The following RFWD3 variants were observed in gnomAD, a reference collection of about 807,000 sequenced individuals.
RFWD3 encodes ring finger and WD repeat domain 3.
Under a neutral mutation model 87.7 loss-of-function variants are expected in RFWD3, and 65 were observed. That is an observed-to-expected ratio of 0.74 (90% CI 0.61 to 0.91). The LOEUF (loss-of-function observed/expected upper bound fraction) is 0.91. RFWD3 is among the 40% of genes least tolerant of loss of function. The pLI, the probability that RFWD3 is intolerant of heterozygous loss-of-function variation, is 0.00. For synonymous variants in RFWD3, 433 were observed against 352.8 expected (o/e 1.23, Z -2.55); for missense variants, 1,078 against 938.5 (o/e 1.15, Z -1.94).
chr16:74,659,108 G>A (rs999966885), intron 2 of RFWD3, among the ~76,000 whole-genome samples: 7 of 152,262 alleles, frequency 4.6e-5, no homozygotes, highest in African/African-American at 1.7e-4. Context: ...TGGCTCTCTA[G>A]TGGTTCTGTT....
intron 2 of RFWD3, 35 bp from the exon 3 acceptor site, chr16:74,652,157 A>G (rs1178577622): frequency 6.4e-7 from 1 of 1,573,570 alleles, no homozygotes; most frequent in African/African-American, 1.4e-5. Flanking sequence ...ATTATAGTAC[A>G]ATGAACTATC....
chr16:74,629,339 A>T (rs745382903), intron 10 of RFWD3, among the ~76,000 whole-genome samples: 40 of 152,234 alleles, frequency 2.6e-4, no homozygotes, highest in Non-Finnish European at 5.7e-4. Flanking sequence ...ATTACATACA[A>T]ATATTCTTTC....
chr16:74,644,216 G>GT, intron 6 of RFWD3, 146 bp downstream of exon 6: 1 of 770,082 alleles, frequency 1.3e-6, no homozygotes, highest in Non-Finnish European at 2.3e-6. Context: ...AAATAACAGT[G>GT]TAAGACAGAC....
chr16:74,641,989 T>C (rs1483884836), intron 6 of RFWD3, among the ~76,000 whole-genome samples: 1 of 148,700 alleles, frequency 6.7e-6, no homozygotes, highest in Non-Finnish European at 1.5e-5. Flanking sequence ...AAACTTTCTA[T>C]ATCATACTAT....
chr16:74,655,626 CTCTT>C (rs202024128), intron 2 of RFWD3, among the ~76,000 whole-genome samples: 2,770 of 145,566 alleles, frequency 0.019, 36 homozygotes, highest in Non-Finnish European at 0.029. Context: ...TGTGCTCTCT[CTCTT>C]TTTTTTTGAG....
rs1047846683 is a variant in RFWD3 at position 74,660,959 on chromosome 16, C to G, written c.491G>C (p.Gly164Ala). 6.2e-7 allele frequency: 1 copy of G among 1,613,848 alleles called. No individual in the cohort carries two copies. Among genetic ancestry groups the G allele is most frequent in the Non-Finnish European group, 8.5e-7 (1 of 1,179,836 alleles). The stretch of plus-strand genomic sequence containing the variant: ...GGCACTGTCTGTCCTCTGAGACCCT[C>G]CGGCTCTTGCCCTCCGTGAAGCAGA... ...RVSASRRARA[G>A]GSQRTDSARL... Residue 164 changes from glycine (G) to alanine (A), a missense_variant, in exon 2 of 13, where the codon GGA becomes GCA. By Grantham distance (60) the Gly-to-Ala change is moderately conservative. Coordinates refer to ENST00000361070, the MANE Select transcript of RFWD3 (RefSeq NM_018124.4).
intron 12 of RFWD3, among the ~76,000 whole-genome samples, chr16:74,624,739 T>G (rs902160126): frequency 6.6e-6 from 1 of 152,182 alleles, no homozygotes; most frequent in Non-Finnish European, 1.5e-5. Context: ...CTCACACCTG[T>G]AATTCCAACA....
chr16:74,633,819 G>A (rs905595232), intron 8 of RFWD3, among the ~76,000 whole-genome samples: 1 of 151,826 alleles, frequency 6.6e-6, no homozygotes, highest in Non-Finnish European at 1.5e-5. Flanking sequence ...GCGTAGTGGG[G>A]CGAGCCTGTA....
At chr16:74,629,192 T>C (rs963667874) in intron 10 of RFWD3, among the ~76,000 whole-genome samples, 1 of 152,226 alleles carries the variant, frequency 6.6e-6, no homozygotes, top group Admixed American at 6.5e-5. Flanking sequence ...AGAAATATCA[T>C]CCTTCCGACT....
At chr16:74,633,615 G>A (rs1959167541) in intron 8 of RFWD3, among the ~76,000 whole-genome samples, 1 of 152,092 alleles carries the variant, frequency 6.6e-6, no homozygotes, top group Admixed American at 6.6e-5. Context: ...GGGAGGGGCA[G>A]GTGAGATTAT....
chr16:74,623,797 A>T lies in RFWD3; in HGVS notation c.*131T>A. The T allele has an allele frequency of 1.0e-6, 1 of 961,896 alleles. No homozygotes were observed. The highest frequency in any genetic ancestry group is 1.6e-6 in the Non-Finnish European group (1 of 635,100). 59.6% of individuals were successfully genotyped at this position (961,896 alleles called of 1,614,324 possible). A position where few individuals can be genotyped will look rare whatever the true frequency, so the allele number is the denominator to read the frequency against. On this transcript the variant is annotated 3_prime_UTR_variant, in exon 13 of 13. Transcript: ENST00000361070. ...CAGTGACCTAGGGTCCTAGAATCAT[A>T]CTAATGCAAACAAACCATGATTCCC... is the stretch of plus-strand genomic sequence containing the variant.
At chr16:74,646,362 T>C (rs1008766790) in intron 4 of RFWD3, among the ~76,000 whole-genome samples, 3 of 152,114 alleles carry the variant, frequency 2.0e-5, no homozygotes, top group Non-Finnish European at 4.4e-5. Context: ...AGGGACAGAA[T>C]GAGACCCTGT....
intron 8 of RFWD3, among the ~76,000 whole-genome samples, chr16:74,632,949 G>A (rs748916677): frequency 1.3e-5 from 2 of 152,036 alleles, no homozygotes; most frequent in East Asian, 3.9e-4. Context: ...TTACAGGCAT[G>A]AGCCACCACA....
chr16:74,632,112 T>C (rs981745715), intron 9 of RFWD3, among the ~76,000 whole-genome samples: 39 of 150,338 alleles, frequency 2.6e-4, no homozygotes, highest in Non-Finnish European at 1.0e-4. Context: ...TAAGGTCGGC[T>C]GGGCGCAGTG....
rs143173893 is a variant in RFWD3, at chr16:74,626,484, T to C, written c.2040A>G (p.Pro680=). ...MSYRLDDTGN[P]ICSCQPVHTF... is the part of the protein sequence containing the mutation. ...TATGTACAGGCTGGCAGGAGCAGAT[T>C]GGATTTCCAGTGTCATCCAGTCGGT... Residue 680 remains proline, a synonymous_variant, in exon 12 of 13, where the codon CCA becomes CCG. Transcript: ENST00000361070. 6.2e-4 allele frequency: 1,004 copies of C among 1,614,180 alleles called. 3 individuals are homozygous for C. The highest frequency in any genetic ancestry group is 4.2e-4 in the Non-Finnish European group (494 of 1,180,016).
At chr16:74,654,522 C>T (rs952091603) in intron 2 of RFWD3, among the ~76,000 whole-genome samples, 1 of 152,066 alleles carries the variant, frequency 6.6e-6, no homozygotes, top group South Asian at 2.1e-4. Flanking sequence ...CTTGGGATTC[C>T]TTATTCCCTG....
At chr16:74,642,382 C>A (rs908195279) in intron 6 of RFWD3, among the ~76,000 whole-genome samples, 15 of 152,144 alleles carry the variant, frequency 9.9e-5, no homozygotes, top group African/African-American at 3.6e-4. Flanking sequence ...CCTCAGCCTC[C>A]CAGAGTGCTA....
intron 6 of RFWD3, among the ~76,000 whole-genome samples, chr16:74,642,738 C>G (rs1959769225): frequency 6.6e-6 from 1 of 152,164 alleles, no homozygotes; most frequent in Non-Finnish European, 1.5e-5. Flanking sequence ...AGCAATCCTC[C>G]TGCCTCGGCC....
intron 10 of RFWD3, among the ~76,000 whole-genome samples, chr16:74,629,391 G>T (rs1348203881): frequency 2.0e-5 from 3 of 152,294 alleles, no homozygotes; most frequent in Admixed American, 2.0e-4. Flanking sequence ...GGGCATGGTG[G>T]CTCACGCCTG....
Sources: gnomAD v4.1 joint callset for allele counts (sites outside exome capture counted in the v4.1 genomes callset) on GRCh38, gnomAD v4.1.1 for gene constraint, MANE v1.5 for transcripts, NCBI Gene and HGNC (gene_info 2026-07-23, HGNC 2026-07-21) for gene names.